Variants in CNTN5 observed in about 807,000 individuals in gnomAD.
CNTN5 encodes contactin-5.
In CNTN5, 77 loss-of-function variants were observed where a neutral mutation model predicts 129.1. That is an observed-to-expected ratio of 0.60 (90% confidence interval 0.50 to 0.72). The LOEUF (loss-of-function observed/expected upper bound fraction) is 0.72, where lower values mean the gene tolerates loss of function less well. Among genes scored for constraint, CNTN5 ranks in the 30% least tolerant of loss-of-function variants. CNTN5 has a pLI of 0.00. For missense variants in CNTN5, 1,478 were observed against 1,328.8 expected (o/e 1.11, Z -1.75); for synonymous variants, 509 against 465.6 (o/e 1.09, Z -1.20).
In CNTN5 at chr11:99,862,213, C is replaced by T. The variant is rs564710234; in HGVS notation, c.577+16951C>T. Reference sequence around the variant, plus strand: ...ATACTTCCTTTCATGTTGCTAAATACATTTCAGCATGACAACTAGCTAAGG... The same window carrying T: ...ATACTTCCTTTCATGTTGCTAAATATATTTCAGCATGACAACTAGCTAAGG... On this transcript the variant is annotated intron_variant, in intron 6 of 24. Coordinates refer to ENST00000524871, the MANE Select transcript of CNTN5 (RefSeq NM_014361.4). 2.0e-5 allele frequency among the ~76,000 whole-genome samples: 3 copies of T among 152,270 alleles called. No individual in the cohort carries two copies. The East Asian group carries it at 5.8e-4, about 29-fold the overall frequency.
At chr11:100,146,579 A>G (rs1048617510) in intron 13 of CNTN5, among the ~76,000 whole-genome samples, 1 of 152,160 alleles carries the variant, frequency 6.6e-6, no homozygotes, top group Non-Finnish European at 1.5e-5. Flanking sequence ...AAATGAAATA[A>G]GTATTATGTC....
chr11:99,859,913 T>C (rs564140178), intron 6 of CNTN5, among the ~76,000 whole-genome samples: 1 of 152,140 alleles, frequency 6.6e-6, no homozygotes, highest in Non-Finnish European at 1.5e-5. Context: ...CTTTGAGAAA[T>C]CTCTAAACTA....
chr11:99,744,772 T>A (rs1179521661), intron 3 of CNTN5, among the ~76,000 whole-genome samples: 1 of 149,494 alleles, frequency 6.7e-6, no homozygotes. Flanking sequence ...ATAATTGTGA[T>A]GTGGAGATGC....
chr11:99,221,103 C>T (rs1403062068), intron 1 of CNTN5, among the ~76,000 whole-genome samples: 1 of 151,854 alleles, frequency 6.6e-6, no homozygotes, highest in East Asian at 1.9e-4. Flanking sequence ...GAGGGTTAAA[C>T]ACAAACCAAT....
At chr11:99,584,029 T>G (rs1949709555) in intron 3 of CNTN5, among the ~76,000 whole-genome samples, 1 of 152,224 alleles carries the variant, frequency 6.6e-6, no homozygotes, top group South Asian at 2.1e-4. Flanking sequence ...GCCATCATTA[T>G]AAAATTAATC....
chr11:100,027,187 G>A (rs1357259637), intron 9 of CNTN5, among the ~76,000 whole-genome samples: 1 of 152,056 alleles, frequency 6.6e-6, no homozygotes, highest in Non-Finnish European at 1.5e-5. Context: ...TCCTCATTAT[G>A]AGTTACATTT....
intron 2 of CNTN5, among the ~76,000 whole-genome samples, chr11:99,340,009 G>A (rs1251894851): frequency 6.6e-6 from 1 of 152,130 alleles, no homozygotes; most frequent in African/African-American, 2.4e-5. Flanking sequence ...TTTGAATTGA[G>A]CAATGTCGTG....
chr11:99,614,544 G>A (rs1950698271), intron 3 of CNTN5, among the ~76,000 whole-genome samples: 1 of 152,150 alleles, frequency 6.6e-6, no homozygotes, highest in Admixed American at 6.5e-5. Flanking sequence ...TTGGATTAGT[G>A]ATTCTTAGCC....
At chr11:99,353,081 T>G (rs1339694802) in intron 2 of CNTN5, among the ~76,000 whole-genome samples, 1 of 152,120 alleles carries the variant, frequency 6.6e-6, no homozygotes, top group African/African-American at 2.4e-5. Flanking sequence ...ATAGCTCCAG[T>G]AAACTTAAGG....
At chr11:99,753,588 C>CA (rs1944308755) in intron 3 of CNTN5, among the ~76,000 whole-genome samples, 1 of 148,888 alleles carries the variant, frequency 6.7e-6, no homozygotes, top group Admixed American at 6.8e-5. Context: ...CTTGTGGCCC[C>CA]ACTAAACTAT....
chr11:99,728,791 TA>T (rs954748566), intron 3 of CNTN5, among the ~76,000 whole-genome samples: 4 of 151,794 alleles, frequency 2.6e-5, no homozygotes, highest in Admixed American at 6.6e-5. Flanking sequence ...TCTGAGGAGT[TA>T]AAAAAAACAG....
At chr11:99,042,503 G>C (rs931577725) in intron 1 of CNTN5, among the ~76,000 whole-genome samples, 2 of 150,398 alleles carry the variant, frequency 1.3e-5, no homozygotes, top group Non-Finnish European at 3.0e-5. Flanking sequence ...AGCCTCCCGA[G>C]TAGCTGGGAC....
intron 2 of CNTN5, among the ~76,000 whole-genome samples, chr11:99,436,033 T>C (rs1387680772): frequency 1.3e-5 from 2 of 152,196 alleles, no homozygotes; most frequent in African/African-American, 4.8e-5. Flanking sequence ...TGAAATGTTC[T>C]CTAAGTTCAT....
At chr11:99,977,749 T>C (rs1177947798) in intron 8 of CNTN5, among the ~76,000 whole-genome samples, 3 of 152,150 alleles carry the variant, frequency 2.0e-5, no homozygotes, top group African/African-American at 4.8e-5. Flanking sequence ...CTTCAACATA[T>C]GGGGATTATA....
At chr11:100,214,288 G>A (rs537619275) in intron 15 of CNTN5, among the ~76,000 whole-genome samples, 1 of 152,138 alleles carries the variant, frequency 6.6e-6, no homozygotes, top group East Asian at 1.9e-4. Context: ...TATTTCCATA[G>A]CAAAAGCAGT....
intron 3 of CNTN5, among the ~76,000 whole-genome samples, chr11:99,806,947 C>CA (rs1565553792): frequency 6.6e-6 from 1 of 151,720 alleles, no homozygotes; most frequent in Non-Finnish European, 1.5e-5. Flanking sequence ...AAATTGGAAG[C>CA]AAAACACTAC....
chr11:99,828,983 T>C (rs906864808), intron 4 of CNTN5, among the ~76,000 whole-genome samples: 7 of 152,258 alleles, frequency 4.6e-5, no homozygotes, highest in African/African-American at 1.4e-4. Context: ...TTATTATTTA[T>C]CATAGTAGTT....
At chr11:99,355,218 T>G (rs1279211959) in intron 2 of CNTN5, among the ~76,000 whole-genome samples, 1 of 152,216 alleles carries the variant, frequency 6.6e-6, no homozygotes, top group African/African-American at 2.4e-5. Flanking sequence ...TATTTGTCTG[T>G]TTACTGGATG....
intron 1 of CNTN5, among the ~76,000 whole-genome samples, chr11:99,179,081 C>A (rs1857919226): frequency 6.6e-6 from 1 of 152,094 alleles, no homozygotes; most frequent in South Asian, 2.1e-4. Flanking sequence ...GCATTATATA[C>A]CTTCATATAA....
Sources: gnomAD v4.1 joint callset for allele counts (sites outside exome capture counted in the v4.1 genomes callset) on GRCh38, gnomAD v4.1.1 for gene constraint, MANE v1.5 for transcripts, NCBI Gene and HGNC (gene_info 2026-07-23, HGNC 2026-07-21) for gene names.